Variants in RHCE observed in about 807,000 individuals in gnomAD.
RHCE encodes the protein blood group Rh(CE) polypeptide.
In RHCE, 22 loss-of-function variants were observed where a neutral mutation model predicts 43.8. That is an observed-to-expected ratio of 0.50 (90% CI 0.36 to 0.72). The LOEUF is 0.72. Among genes scored for constraint, RHCE ranks in the 30% least tolerant of loss-of-function variants. RHCE has a pLI of 0.00. For missense variants in RHCE, 385 were observed against 525.4 expected, an observed-to-expected ratio of 0.73 and a Z score of 2.61; for synonymous variants, 156 against 210.7, an observed-to-expected ratio of 0.74 and a Z score of 2.25.
chr1:25,423,954 G>A (rs1488783912), upstream of RHCE, among the ~76,000 whole-genome samples: 2 of 152,178 alleles, frequency 1.3e-5, no homozygotes, highest in African/African-American at 2.4e-5. Flanking sequence ...GGCCTCCGAC[G>A]TACGGTGGTT....
upstream of RHCE, chr1:25,420,964 G>A: frequency 9.3e-7 from 1 of 1,079,362 alleles, no homozygotes; most frequent in Non-Finnish European, 1.3e-6. Context: ...GAGGGACTAT[G>A]ATGGGGAGGG....
intron 8 of RHCE, among the ~76,000 whole-genome samples, chr1:25,371,882 G>A (rs1332722959): frequency 2.0e-5 from 3 of 151,338 alleles, no homozygotes; most frequent in Admixed American, 6.6e-5. Flanking sequence ...AGTGAGATTC[G>A]TATTTCCCTT....
chr1:25,420,496 G>A, intron 1 of RHCE, 143 bp downstream of exon 1: 1 of 1,523,300 alleles, frequency 6.6e-7, no homozygotes, highest in South Asian at 1.2e-5. Context: ...CTGAATTTCG[G>A]TGCAATCTAC....
At chr1:25,403,965 C>T (rs1646834813) in intron 2 of RHCE, among the ~76,000 whole-genome samples, 1 of 150,940 alleles carries the variant, frequency 6.6e-6, no homozygotes, top group Non-Finnish European at 1.5e-5. Context: ...GCCAGGGGTT[C>T]AAGAGTGGCC....
At chr1:25,380,885 A>C (rs1645972733) in intron 7 of RHCE, among the ~76,000 whole-genome samples, 2 of 147,456 alleles carry the variant, frequency 1.4e-5, no homozygotes, top group Non-Finnish European at 3.0e-5. Flanking sequence ...TATGTGTACT[A>C]ATTTTCTTTC....
intron 7 of RHCE, among the ~76,000 whole-genome samples, chr1:25,380,943 C>T (rs1416968774): frequency 1.3e-5 from 2 of 148,816 alleles, no homozygotes; most frequent in Admixed American, 1.3e-4. Flanking sequence ...GCTTTGTCGC[C>T]CAGGCTGGAG....
chr1:25,409,268 G>C (rs1647002555), intron 1 of RHCE, among the ~76,000 whole-genome samples: 1 of 124,042 alleles, frequency 8.1e-6, no homozygotes, highest in Non-Finnish European at 1.8e-5. Flanking sequence ...CCAACCCCCT[G>C]GCTGGGCACA....
intron 8 of RHCE, among the ~76,000 whole-genome samples, chr1:25,372,213 T>C (rs1645631298): frequency 6.6e-6 from 1 of 151,688 alleles, no homozygotes; most frequent in South Asian, 2.1e-4. Context: ...TTTTGTGTTC[T>C]TGTGTCCAGT....
intron 2 of RHCE, among the ~76,000 whole-genome samples, chr1:25,405,317 C>T (rs1646881801): frequency 6.6e-6 from 1 of 152,152 alleles, no homozygotes; most frequent in South Asian, 2.1e-4. Flanking sequence ...ATGAACATGC[C>T]ACTTCACTCC....
intron 1 of RHCE, among the ~76,000 whole-genome samples, chr1:25,412,738 A>T (rs546706093): frequency 0.058 from 8,703 of 149,798 alleles, 879 homozygotes; most frequent in African/African-American, 0.2. Flanking sequence ...AAAAAAAAAA[A>T]AAAAGGCCGG....
intron 3 of RHCE, among the ~76,000 whole-genome samples, chr1:25,396,916 C>T (rs1005109054): frequency 2.0e-5 from 3 of 151,070 alleles, no homozygotes; most frequent in South Asian, 2.1e-4. Flanking sequence ...GAGCTCAAGA[C>T]CAGCCTGGCC....
chr1:25,394,681 A>G (rs1276770605), intron 3 of RHCE, among the ~76,000 whole-genome samples: 1 of 152,212 alleles, frequency 6.6e-6, no homozygotes, highest in African/African-American at 2.4e-5. Context: ...AATACCAAAT[A>G]AATATCTGTG....
At chr1:25,372,201 C>T (rs1333568443) in intron 8 of RHCE, among the ~76,000 whole-genome samples, 3 of 151,618 alleles carry the variant, frequency 2.0e-5, no homozygotes, top group African/African-American at 4.9e-5. Context: ...GCAGCCCAAG[C>T]GTTTTGTGTT....
chr1:25,385,397 G>C (rs542929991), intron 7 of RHCE: 1 of 422,500 alleles, frequency 2.4e-6, no homozygotes. Context: ...TCTGCATCAC[G>C]ACCTGAACCA....
rs1165784820 is a variant in RHCE, at chr1:25,412,715, TA to T, written c.149-3847del. On this transcript the variant is annotated intron_variant, in intron 1 of 9. Coordinates refer to ENST00000294413, the MANE Select transcript of RHCE (RefSeq NM_020485.8). Reference sequence around the variant, plus strand: ...AGGCGACAGAGGGAGACCCTTTTTTTAAAAAAAAAAAAAAAAAAAAAAAAAA... The same window carrying T: ...AGGCGACAGAGGGAGACCCTTTTTTTAAAAAAAAAAAAAAAAAAAAAAAAA... Among the ~76,000 whole-genome samples the T allele has an allele frequency of 3.0e-3, 351 of 116,594 alleles. 1 individual carries two copies. The highest frequency in any genetic ancestry group is 4.6e-3 in the South Asian group (14 of 3,028). 76.5% of individuals were successfully genotyped at this position (116,594 alleles called of 152,430 possible).
intron 1 of RHCE, among the ~76,000 whole-genome samples, chr1:25,417,123 CAGAT>C (rs1263213768): frequency 2.2e-5 from 3 of 137,090 alleles, no homozygotes; most frequent in Admixed American, 1.5e-4. Context: ...GCCTCTCTAA[CAGAT>C]AGAGCCTTAA....
upstream of RHCE, among the ~76,000 whole-genome samples, chr1:25,424,124 T>C (rs2042787749): frequency 6.6e-6 from 1 of 152,236 alleles, no homozygotes; most frequent in Non-Finnish European, 1.5e-5. Context: ...ATAGGCTTTG[T>C]GTTAGATGAT....
At chr1:25,390,347 T>G (rs1285978132) in intron 5 of RHCE, among the ~76,000 whole-genome samples, 5 of 152,196 alleles carry the variant, frequency 3.3e-5, no homozygotes, top group African/African-American at 1.2e-4. Context: ...TGTCACATAC[T>G]TCTCTACTTC....
rs1553161328 is a variant in RHCE at position 25,416,820 on chromosome 1, G to GT, written c.148+3818_148+3819insA. Reference sequence around the variant, plus strand: ...TTTTTTTTTTTTTTTTAGAGATGGCGGGGGGGGGTCTCCCTATGTTTCCTA... The same window carrying GT: ...TTTTTTTTTTTTTTTTAGAGATGGCGTGGGGGGGGTCTCCCTATGTTTCCTA... On this transcript the variant is annotated intron_variant, in intron 1 of 9. Transcript: ENST00000294413. Among the ~76,000 whole-genome samples, 3 of 27,672 alleles carry GT rather than the reference G, an allele frequency of 1.1e-4. 1 individual carries two copies. The highest frequency in any genetic ancestry group is 1.1e-3 in the African/African-American group (3 of 2,794). The allele number at this position is 27,672 out of a possible 152,430, so 18.2% of individuals were successfully genotyped here. A position where few individuals can be genotyped will look rare whatever the true frequency, so the allele number is the denominator to read the frequency against.
Sources: gnomAD v4.1 joint callset for allele counts (sites outside exome capture counted in the v4.1 genomes callset) on GRCh38, gnomAD v4.1.1 for gene constraint, MANE v1.5 for transcripts, NCBI Gene and HGNC (gene_info 2026-07-23, HGNC 2026-07-21) for gene names.